SCN2A: variants seen among roughly 807,000 people sequenced by gnomAD.
SCN2A encodes the protein sodium channel protein type 2 subunit alpha.
In SCN2A, 20 loss-of-function variants were observed where a neutral mutation model predicts 188.7. The observed-to-expected ratio is 0.11, with a 90% CI of 0.07 to 0.15. The LOEUF (loss-of-function observed/expected upper bound fraction) is 0.15, where lower values mean the gene tolerates loss of function less well. SCN2A is among the 10% of genes least tolerant of loss of function. SCN2A has a pLI of 1.00. For synonymous variants in SCN2A, 804 were observed against 833.1 expected, an observed-to-expected ratio of 0.97 and a Z score of 0.60; for missense variants, 1,278 against 2,445.0, an observed-to-expected ratio of 0.52 and a Z score of 10.07.
At chr2:165,279,411 TG>T (rs1479268698) in intron 1 of SCN2A, among the ~76,000 whole-genome samples, 2 of 152,212 alleles carry the variant, frequency 1.3e-5, no homozygotes, top group East Asian at 3.9e-4. Context: ...AATCTTTGGT[TG>T]AACATCATCA....
intron 12 of SCN2A, among the ~76,000 whole-genome samples, chr2:165,325,284 A>C (rs965043655): frequency 1.3e-5 from 2 of 152,158 alleles, no homozygotes; most frequent in Non-Finnish European, 2.9e-5. Context: ...GCTTGAAGCA[A>C]AGCTTTGTGT....
chr2:165,354,695 T>C, intron 17 of SCN2A, 24 bp downstream of exon 17: 1 of 1,608,888 alleles, frequency 6.2e-7, no homozygotes. Context: ...AATAAGGAGA[T>C]ATTTTGGTGT....
intron 1 of SCN2A, among the ~76,000 whole-genome samples, chr2:165,265,824 CT>C (rs998615683): frequency 6.7e-6 from 1 of 148,966 alleles, no homozygotes; most frequent in Non-Finnish European, 1.5e-5. Context: ...TTTCTTTCTT[CT>C]TTTTTTTCTC....
At chr2:165,288,181 G>C (rs1350737091) in intron 1 of SCN2A, among the ~76,000 whole-genome samples, 1 of 152,094 alleles carries the variant, frequency 6.6e-6, no homozygotes, top group African/African-American at 2.4e-5. Context: ...TGTGTAAAAA[G>C]TAAACATTTT....
chr2:165,389,880 ATGTGTTTG>A lies in SCN2A; in HGVS notation c.*60_*67del, dbSNP rs1702062996. The stretch of plus-strand genomic sequence containing the variant: ...CAATTGTTTACAGCCCGTGATGGTG[ATGTGTTTG>A]TGTCAACAGGACTCCCACAGGAGGT... On this transcript the variant is annotated 3_prime_UTR_variant, in exon 27 of 27. Coordinates refer to ENST00000375437, the MANE Select transcript of SCN2A (RefSeq NM_001040142.2). This position sits in a 1 kb window ranked among gnomAD's most constrained non-coding sequence, Gnocchi z 4.2. 1 of 1,543,526 alleles carries A rather than the reference ATGTGTTTG, an allele frequency of 6.5e-7. No homozygotes were observed. Among genetic ancestry groups the A allele is most frequent in the Admixed American group, 2.0e-5 (1 of 51,228 alleles).
rs1559318458 is a variant in SCN2A, at chr2:165,255,738, G to T, written c.-52+16098G>T. On this transcript the variant is annotated intron_variant, in intron 1 of 26. Transcript: ENST00000375437. ...TGATGATATATTTTCTCAGCTGCTG[G>T]TAGATGAAAATATTTCTGTAATGCC... Among the ~76,000 whole-genome samples, 3 of 152,060 alleles carry T rather than the reference G, an allele frequency of 2.0e-5. No individual in the cohort carries two copies. The South Asian group carries it at 6.2e-4, about 32-fold the overall frequency.
intron 1 of SCN2A, among the ~76,000 whole-genome samples, chr2:165,242,593 A>G (rs1693671017): frequency 6.6e-6 from 1 of 152,142 alleles, no homozygotes; most frequent in African/African-American, 2.4e-5. Context: ...TGGGGAGTAT[A>G]TTTAAGTTTT....
chr2:165,271,150 C>G (rs954914601), intron 1 of SCN2A: 2 of 151,990 alleles, frequency 1.3e-5, no homozygotes, highest in Middle Eastern at 3.2e-3. Context: ...ATGTTGTTCT[C>G]TTATGTTGTT....
Position 165,390,603 on chromosome 2 carries a change from T to A in SCN2A, c.*779T>A, listed in dbSNP as rs1256063749. On this transcript the variant is annotated 3_prime_UTR_variant, in exon 27 of 27. Coordinates refer to ENST00000375437, the MANE Select transcript of SCN2A (RefSeq NM_001040142.2). The stretch of plus-strand genomic sequence containing the variant: ...TTACATAACCCATTAAATGTACATG[T>A]ATATATGTATATATGTATATGTGCG... 1.3e-5 allele frequency: 2 copies of A among 152,642 alleles called. No homozygotes were observed. The highest frequency in any genetic ancestry group is 2.4e-5 in the African/African-American group (1 of 41,448). The allele number at this position is 152,642 out of a possible 1,614,324, so 9.5% of individuals were successfully genotyped here.
chr2:165,240,633 C>A (rs1300558907), intron 1 of SCN2A, among the ~76,000 whole-genome samples: 2 of 146,976 alleles, frequency 1.4e-5, no homozygotes, highest in Non-Finnish European at 3.0e-5. Context: ...TTTTAAATGC[C>A]TCACTTCTTT....
intron 1 of SCN2A, among the ~76,000 whole-genome samples, chr2:165,288,537 AT>A (rs1244073604): frequency 6.6e-6 from 1 of 151,380 alleles, no homozygotes; most frequent in Non-Finnish European, 1.5e-5. Context: ...TAAACCTAGC[AT>A]TAAAAAAAAA....
chr2:165,297,282 T>C (rs1696559471), intron 3 of SCN2A, 147 bp downstream of exon 3: 1 of 622,816 alleles, frequency 1.6e-6, no homozygotes, highest in African/African-American at 1.8e-5. Flanking sequence ...TGTTGCAAAA[T>C]GAGATCACAG....
intron 5 of SCN2A, chr2:165,309,056 A>T: frequency 7.9e-7 from 1 of 1,273,290 alleles, no homozygotes; most frequent in Non-Finnish European, 1.1e-6. Context: ...TTTTCCTCTT[A>T]ATTGGGAAAG....
intron 15 of SCN2A, among the ~76,000 whole-genome samples, chr2:165,342,737 G>T (rs776711816): frequency 6.6e-6 from 1 of 152,140 alleles, no homozygotes; most frequent in Non-Finnish European, 1.5e-5. Context: ...AGATAAACTC[G>T]AATCACAATT....
rs1700083139 is a variant in SCN2A, at chr2:165,354,502, G to C, written c.3230G>C (p.Gly1077Ala). 1 of 1,614,028 alleles carries C rather than the reference G, an allele frequency of 6.2e-7. No individual in the cohort carries two copies. Among genetic ancestry groups the C allele is most frequent in the Non-Finnish European group, 8.5e-7 (1 of 1,179,974 alleles). ...YLKDGNGTTSGIGSSVEKYVV... is the reference protein window; with the variant it reads ...YLKDGNGTTSAIGSSVEKYVV... ...AAAGACGGAAATGGAACTACTAGTG[G>C]CATAGGCAGCAGTGTAGAAAAATAT... Residue 1077 changes from glycine to alanine, a missense_variant, in exon 17 of 27, where the codon GGC (glycine) becomes GCC (alanine). Physicochemically the swap from Gly to Ala is moderately conservative, Grantham distance 60 (BLOSUM62 0). Transcript: ENST00000375437.
At chr2:165,254,078 G>A (rs568616827) in intron 1 of SCN2A, among the ~76,000 whole-genome samples, 16 of 151,838 alleles carry the variant, frequency 1.1e-4, no homozygotes, top group Admixed American at 3.3e-4. Context: ...TATCCTTAGT[G>A]ATATATTGAT....
chr2:165,348,551 A>C (rs1318496424), intron 16 of SCN2A, among the ~76,000 whole-genome samples: 1 of 152,052 alleles, frequency 6.6e-6, no homozygotes, highest in African/African-American at 2.4e-5. Context: ...AGTAACAAGA[A>C]ACATAAACAG....
chr2:165,273,587 C>G (rs916060434), intron 1 of SCN2A: 7 of 152,046 alleles, frequency 4.6e-5, no homozygotes, highest in Admixed American at 2.0e-4. Flanking sequence ...CTCTCTCTCT[C>G]CCTCCCTCCC....
chr2:165,258,525 T>A (rs1694429759), intron 1 of SCN2A, among the ~76,000 whole-genome samples: 1 of 152,172 alleles, frequency 6.6e-6, no homozygotes, highest in Admixed American at 6.5e-5. Flanking sequence ...AACAGTGTGG[T>A]GATTCCTCAA....
Sources: gnomAD v4.1 joint callset for allele counts (sites outside exome capture counted in the v4.1 genomes callset) on GRCh38, gnomAD v4.1.1 for gene constraint, Gnocchi (gnomAD v3.1) non-coding constraint, MANE v1.5 for transcripts, NCBI Gene and HGNC (gene_info 2026-07-23, HGNC 2026-07-21) for gene names.